PRPF38B: variants seen among roughly 807,000 people sequenced by gnomAD.
PRPF38B encodes the protein pre-mRNA-splicing factor 38B.
In PRPF38B, 18 loss-of-function variants were observed where a neutral mutation model predicts 67.2. That is an observed-to-expected ratio of 0.27 (90% CI 0.19 to 0.40). The LOEUF (loss-of-function observed/expected upper bound fraction) is 0.40, where lower values mean the gene tolerates loss of function less well. PRPF38B is among the 10% of genes least tolerant of loss of function. The pLI is 1.00. For missense variants in PRPF38B, 544 were observed against 684.9 expected, an observed-to-expected ratio of 0.79 and a Z score of 2.30; for synonymous variants, 246 against 234.2, an observed-to-expected ratio of 1.05 and a Z score of -0.46.
At chr1:108,695,626 T>C (rs775874784) in intron 1 of PRPF38B, 76 bp from the exon 2 acceptor site, 9 of 1,428,894 alleles carry the variant, frequency 6.3e-6, no homozygotes, top group South Asian at 3.6e-5. Flanking sequence ...TATTATGGAC[T>C]TGGGTTTACT....
In PRPF38B at chr1:108,700,204, C is replaced by T; in HGVS notation, c.*184C>T. On this transcript the variant is annotated 3_prime_UTR_variant, in exon 6 of 6. Coordinates refer to ENST00000370025, the MANE Select transcript of PRPF38B (RefSeq NM_018061.4). Reference sequence around the variant, plus strand: ...CATTTATTGCATTGGTGTTTTCACCCAATTGTTAAGTTTGATACATGATGC... The same window carrying T: ...CATTTATTGCATTGGTGTTTTCACCTAATTGTTAAGTTTGATACATGATGC... 1.8e-6 allele frequency: 2 copies of T among 1,081,442 alleles called. No homozygotes were observed. Among genetic ancestry groups the T allele is most frequent in the Non-Finnish European group, 2.5e-6 (2 of 805,310 alleles). The allele number at this position is 1,081,442 out of a possible 1,614,324, so 67.0% of individuals were successfully genotyped here. A position where few individuals can be genotyped will look rare whatever the true frequency, so the allele number is the denominator to read the frequency against.
rs1660650802 is a variant in PRPF38B, at chr1:108,702,864, G to A, written c.*2844G>A. Among the ~76,000 whole-genome samples the A allele has an allele frequency of 6.6e-6, 1 of 152,100 alleles. No individual in the cohort carries two copies. Among genetic ancestry groups the A allele is most frequent in the African/African-American group, 2.4e-5 (1 of 41,400 alleles). ...TACTGGAATGATTTCACCTTTCCATGTATTAAAATCTTTTGCCTGTTTTTA... is the reference window on the plus strand; with the variant it reads ...TACTGGAATGATTTCACCTTTCCATATATTAAAATCTTTTGCCTGTTTTTA... On this transcript the variant is annotated 3_prime_UTR_variant, in exon 6 of 6. Transcript: ENST00000370025.
chr1:108,695,800 T>C (rs771967199), intron 2 of PRPF38B, 30 bp downstream of exon 2: 2 of 1,604,908 alleles, frequency 1.2e-6, no homozygotes, highest in Non-Finnish European at 1.7e-6. Flanking sequence ...TTTTTCAGTT[T>C]TTCTGTGTCT....
rs952072050 is a variant in PRPF38B at position 108,692,542 on chromosome 1, C to A, written c.-50C>A. ...CGTTGTCCCGAAGAGCGAGATCGAG[C>A]TTGGCCCCCTCCCCCCCCTCCTTCC... is the stretch of plus-strand genomic sequence containing the variant. On this transcript the variant is annotated 5_prime_UTR_variant, in exon 1 of 6. Coordinates refer to ENST00000370025, the MANE Select transcript of PRPF38B (RefSeq NM_018061.4). 1.5e-5 allele frequency: 23 copies of A among 1,494,206 alleles called. No individual in the cohort carries two copies. The highest frequency in any genetic ancestry group is 2.0e-5 in the Non-Finnish European group (23 of 1,122,818). 92.6% of individuals were successfully genotyped at this position (1,494,206 alleles called of 1,614,324 possible).
chr1:108,696,590 T>G, intron 4 of PRPF38B: 1 of 608,720 alleles, frequency 1.6e-6, no homozygotes, highest in Non-Finnish European at 2.9e-6. Flanking sequence ...AATTTTCTCT[T>G]CTTAATTATG....
chr1:108,696,483 A>G (rs1321326448), intron 4 of PRPF38B, 146 bp downstream of exon 4: 8 of 697,776 alleles, frequency 1.1e-5, no homozygotes, highest in African/African-American at 1.1e-4. Flanking sequence ...ATGTCCTTTT[A>G]CTGAGACCTG....
intron 1 of PRPF38B, among the ~76,000 whole-genome samples, chr1:108,694,147 C>G (rs535953212): frequency 7.9e-5 from 12 of 152,292 alleles, no homozygotes; most frequent in African/African-American, 2.9e-4. Flanking sequence ...AATCCTCTTA[C>G]GAGAGTAGGT....
chr1:108,697,062 G>C, intron 4 of PRPF38B: 1 of 330,010 alleles, frequency 3.0e-6, no homozygotes, highest in Non-Finnish European at 5.5e-6. Context: ...GCAATATAGT[G>C]AGACCTCATC....
chr1:108,699,755 A>G lies in PRPF38B; in HGVS notation c.1376A>G (p.His459Arg), dbSNP rs1280505808. ...AGAAGCAAAGAGAAATCAAGTAAAC[A>G]TAAAAATGAAAGTAAAGAAAAATCA... ...RSRSKEKSSK[H>R]KNESKEKSNK... The change falls in exon 6 of 6, where the codon CAT becomes CGT. Residue 459 changes from histidine (H) to arginine (R), a missense_variant. By Grantham distance (29) the His-to-Arg change is conservative. Around this residue, in one of 5 missense-constraint regions of PRPF38B, gnomAD observed 387 missense variants for 386.1 expected, o/e 1.00. Transcript: ENST00000370025. 1.2e-6 allele frequency: 2 copies of G among 1,613,524 alleles called. No individual in the cohort carries two copies. Among genetic ancestry groups the G allele is most frequent in the South Asian group, 1.1e-5 (1 of 90,812 alleles).
rs1383471664 is a variant in PRPF38B at position 108,699,143 on chromosome 1, C to T, written c.783-19C>T. ...TGTTTTATTCATTGAAATTTTCTTT[C>T]TCCCTCCGCCTTCCTTAGGTCTCCA... On this transcript the variant is annotated intron_variant, in intron 5 of 5. Transcript: ENST00000370025. 1.3e-6 allele frequency: 2 copies of T among 1,564,820 alleles called. No individual in the cohort carries two copies. The highest frequency in any genetic ancestry group is 1.4e-5 in the African/African-American group (1 of 72,176).
At chr1:108,694,599 G>A (rs915244103) in intron 1 of PRPF38B, among the ~76,000 whole-genome samples, 8 of 152,124 alleles carry the variant, frequency 5.3e-5, no homozygotes, top group Admixed American at 1.3e-4. Flanking sequence ...GCAATCTGTG[G>A]GGAAGAAAGG....
chr1:108,699,049 C>T lies in PRPF38B; in HGVS notation c.783-113C>T, dbSNP rs553028315. On this transcript the variant is annotated intron_variant, in intron 5 of 5. Coordinates refer to ENST00000370025, the MANE Select transcript of PRPF38B (RefSeq NM_018061.4). ...AATTTTTTGCTTTAATGATTCTTGA[C>T]ATGGCCTTAAGCTTGAGGACATGAA... The T allele has an allele frequency of 2.9e-5, 43 of 1,507,120 alleles. No individual in the cohort carries two copies. The African/African-American group carries it at 5.2e-4, about 18-fold the overall frequency. The allele number at this position is 1,507,120 out of a possible 1,614,324, so 93.4% of individuals were successfully genotyped here.
At chr1:108,698,211 T>A (rs1202181195) in intron 4 of PRPF38B, 1 of 156,862 alleles carries the variant, frequency 6.4e-6, no homozygotes, top group South Asian at 2.0e-4. Flanking sequence ...ACAGGAATTA[T>A]CTAAAGTAGA....
rs138071563 is a variant in PRPF38B at position 108,698,795 on chromosome 1, A to G, written c.750A>G (p.Glu250=). Residue 250 remains glutamate (E), a synonymous_variant, in exon 5 of 6, where the codon GAA becomes GAG. Transcript: ENST00000370025. ...IKKDGKEGAE[E]IDRHVERRRS... is the part of the protein sequence containing the mutation. ...AAGATGGGAAGGAAGGTGCTGAGGA[A>G]ATAGACAGACATGTTGAACGCAGAC... The G allele has an allele frequency of 1.9e-6, 3 of 1,613,750 alleles. No individual in the cohort carries two copies. Among genetic ancestry groups the G allele is most frequent in the Non-Finnish European group, 2.5e-6 (3 of 1,179,748 alleles).
At position 108,692,847 on chromosome 1, in the gene PRPF38B, G is replaced by A; in HGVS notation, c.256G>A (p.Val86Met). The A allele has an allele frequency of 6.2e-7, 1 of 1,614,186 alleles. No homozygotes were observed. Among genetic ancestry groups the A allele is most frequent in the Non-Finnish European group, 8.5e-7 (1 of 1,180,020 alleles). The change falls in exon 1 of 6, where the codon GTG becomes ATG. Residue 86 changes from valine (V) to methionine (M), a missense_variant. Physicochemically the swap from Val to Met is conservative, Grantham distance 21. Coordinates refer to ENST00000370025, the MANE Select transcript of PRPF38B (RefSeq NM_018061.4). ...CGAGCTCAAGACCTACCACGAGGTG[G>A]TGGACGAGATCTACTTTAAGGTACG... ...LYELKTYHEV[V>M]DEIYFKVTHV...
chr1:108,693,563 T>C (rs771172376), intron 1 of PRPF38B: 2 of 978,832 alleles, frequency 2.0e-6, no homozygotes, highest in Non-Finnish European at 2.4e-6. Flanking sequence ...CACTGCACTC[T>C]TGTCTCAGTT....
rs760058200 is a variant in PRPF38B at position 108,699,188 on chromosome 1, G to A, written c.809G>A (p.Arg270Gln). ...SRSPRRSLSP[R>Q]RSPRRSRSRS... is the part of the protein sequence containing the mutation. ...TCTCCAAGGAGATCTCTGAGTCCAC[G>A]GAGGTCCCCAAGAAGGTCAAGAAGT... Residue 270 changes from arginine (R) to glutamine (Q), a missense_variant, in exon 6 of 6, where the codon CGG (arginine) becomes CAG (glutamine). Arg to Gln is a conservative substitution (Grantham distance 43). Transcript: ENST00000370025. 1.4e-5 allele frequency: 22 copies of A among 1,612,790 alleles called. No individual in the cohort carries two copies. In the South Asian group the frequency reaches 2.0e-4, roughly 15 times the overall value.
chr1:108,700,774 G>C lies in PRPF38B; in HGVS notation c.*754G>C, dbSNP rs1223459160. On this transcript the variant is annotated 3_prime_UTR_variant, in exon 6 of 6. Coordinates refer to ENST00000370025, the MANE Select transcript of PRPF38B (RefSeq NM_018061.4). ...ACATGACATGTAATCTTTTTTTCTT[G>C]AATTCTTTCTCAGATTTTAAAGTAC... The C allele has an allele frequency of 6.6e-6, 1 of 151,512 alleles. No individual in the cohort carries two copies. Among genetic ancestry groups the C allele is most frequent in the East Asian group, 1.9e-4 (1 of 5,166 alleles). 9.4% of individuals were successfully genotyped at this position (151,512 alleles called of 1,614,324 possible). A position where few individuals can be genotyped will look rare whatever the true frequency, so the allele number is the denominator to read the frequency against.
chr1:108,698,472 G>T, intron 4 of PRPF38B, 132 bp from the exon 5 acceptor site: 1 of 699,332 alleles, frequency 1.4e-6, no homozygotes, highest in South Asian at 2.2e-5. Flanking sequence ...TGTCAGATCA[G>T]GATATGAAAA....
Sources: allele counts gnomAD v4.1 joint callset (sites outside exome capture counted in the v4.1 genomes callset), GRCh38; gene constraint gnomAD v4.1.1; regional missense constraint gnomAD v4.1.1; transcripts MANE v1.5; gene names NCBI Gene and HGNC (gene_info 2026-07-23, HGNC 2026-07-21).